The following HMCN2 variants were observed in gnomAD, a reference collection of about 807,000 sequenced individuals.
The protein encoded by HMCN2 is hemicentin-2.
Under a neutral mutation model 377.5 loss-of-function variants are expected in HMCN2, and 325 were observed. The observed-to-expected ratio is 0.86, with a 90% confidence interval of 0.79 to 0.94. The LOEUF (loss-of-function observed/expected upper bound fraction) is 0.94, where lower values mean the gene tolerates loss of function less well. Among genes scored for constraint, HMCN2 ranks in the 40% least tolerant of loss-of-function variants. HMCN2 has a pLI of 0.00. For synonymous variants in HMCN2, 2,007 were observed against 2,046.8 expected (o/e 0.98, Z 0.53); for missense variants, 4,543 against 4,725.3 (o/e 0.96, Z 1.13).
chr9:130,386,142 C>T (rs1183667960), intron 60 of HMCN2, among the ~76,000 whole-genome samples: 1 of 152,140 alleles, frequency 6.6e-6, no homozygotes, highest in Non-Finnish European at 1.5e-5. Flanking sequence ...GTTTGCTGTC[C>T]CCCTCGAAAT....
intron 32 of HMCN2, 131 bp downstream of exon 32, chr9:130,355,175 C>T (rs1350484448): frequency 1.3e-6 from 1 of 747,868 alleles, no homozygotes; most frequent in Admixed American, 3.6e-5. Flanking sequence ...CCCCACATTG[C>T]ATGACACAGA....
chr9:130,417,949 T>C (rs1219562585), intron 85 of HMCN2, among the ~76,000 whole-genome samples: 2 of 152,148 alleles, frequency 1.3e-5, no homozygotes, highest in Non-Finnish European at 2.9e-5. Context: ...ATACTAGCCT[T>C]CCAGGAGGGT....
rs1244120106 is a variant in HMCN2, at chr9:130,403,241, G to A, written c.11926G>A (p.Glu3976Lys). 1 of 1,289,674 alleles carries A rather than the reference G, an allele frequency of 7.8e-7. No homozygotes were observed. Among genetic ancestry groups the A allele is most frequent in the Admixed American group, 2.3e-5 (1 of 43,540 alleles). The allele number at this position is 1,289,674 out of a possible 1,614,324, so 79.9% of individuals were successfully genotyped here. A position where few individuals can be genotyped will look rare whatever the true frequency, so the allele number is the denominator to read the frequency against. Residue 3976 changes from glutamate to lysine, a missense_variant, in exon 79 of 98, where the codon GAG becomes AAG. By Grantham distance (56) the Glu-to-Lys change is moderately conservative. Around this residue, in one of 5 missense-constraint regions of HMCN2, gnomAD observed 1,073 missense variants for 1,319.5 expected, o/e 0.81. Transcript: ENST00000683500. ...GCCCAGCGTGGTTCGGGCAGTGGCAGAGGAGGAGGTGCTGCTGCCCTGCGA... is the reference window on the plus strand; with the variant it reads ...GCCCAGCGTGGTTCGGGCAGTGGCAAAGGAGGAGGTGCTGCTGCCCTGCGA... Reference protein sequence around the residue: ...PLPSVVRAVAEEEVLLPCEAS... With the variant: ...PLPSVVRAVAKEEVLLPCEAS...
At chr9:130,316,825 T>A (rs912872640) in intron 15 of HMCN2, among the ~76,000 whole-genome samples, 194 of 152,276 alleles carry the variant, frequency 1.3e-3, no homozygotes, top group Middle Eastern at 3.4e-3. Flanking sequence ...GATAAGGCCC[T>A]GGGCAGAGCA....
rs769194652 is a variant in HMCN2 at position 130,349,540 on chromosome 9, C to T, written c.4307C>T (p.Pro1436Leu). The T allele has an allele frequency of 2.3e-6, 3 of 1,302,626 alleles. No individual in the cohort carries two copies. The highest frequency in any genetic ancestry group is 2.5e-5 in the South Asian group (2 of 80,950). 80.7% of individuals were successfully genotyped at this position (1,302,626 alleles called of 1,614,324 possible). ...CCTCACGCCTTCTCACCCCCAGCCC[C>T]TCCTTCCGTGCTTGGAGCCGGGGCC... is the stretch of plus-strand genomic sequence containing the variant. ...QRDFHLLVLT[P>L]PSVLGAGAAQ... Residue 1436 changes from proline (P) to leucine (L), a missense_variant, in exon 29 of 98, where the codon CCT (proline) becomes CTT (leucine). Around this residue, in one of 5 missense-constraint regions of HMCN2, gnomAD observed 1,032 missense variants for 1,285.1 expected, o/e 0.80. Coordinates refer to ENST00000683500, the MANE Select transcript of HMCN2 (RefSeq NM_001291815.2).
At position 130,427,579 on chromosome 9, in the gene HMCN2, C is replaced by T; in HGVS notation, c.14025C>T (p.Pro4675=). Residue 4675 remains proline, a synonymous_variant, in exon 92 of 98, where the codon CCC becomes CCT. Transcript: ENST00000683500. ...CCGGCCGCTTCTCCTGCACCTGCCC[C>T]ACTGGCTTCGCCCTGGCCTGGGATG... ...NAPGRFSCTC[P]TGFALAWDDR... 1.9e-6 allele frequency: 3 copies of T among 1,550,512 alleles called. No homozygotes were observed. The highest frequency in any genetic ancestry group is 2.6e-6 in the Non-Finnish European group (3 of 1,146,982).
intron 14 of HMCN2, among the ~76,000 whole-genome samples, chr9:130,309,052 A>G (rs1351423579): frequency 6.6e-6 from 1 of 152,276 alleles, no homozygotes; most frequent in Non-Finnish European, 1.5e-5. Flanking sequence ...AATGCACTGG[A>G]TGCCACTGAG....
At chr9:130,268,055 C>T (rs1210311808) in intron 1 of HMCN2, among the ~76,000 whole-genome samples, 2 of 152,212 alleles carry the variant, frequency 1.3e-5, no homozygotes, top group Admixed American at 6.5e-5. Context: ...GCCAGGGTGG[C>T]GTCATTCCTG....
chr9:130,386,599 G>A (rs1311943287), intron 61 of HMCN2, 75 bp downstream of exon 61: 7 of 991,728 alleles, frequency 7.1e-6, no homozygotes, highest in Non-Finnish European at 9.6e-6. Flanking sequence ...GGAGGACAAA[G>A]ACAATAGCTG....
chr9:130,387,123 A>G (rs1842065208), intron 61 of HMCN2, among the ~76,000 whole-genome samples: 1 of 152,220 alleles, frequency 6.6e-6, no homozygotes, highest in Admixed American at 6.5e-5. Context: ...GGCCTGTCCC[A>G]TCCACCCAAG....
At chr9:130,387,265 A>G (rs953096399) in intron 61 of HMCN2, among the ~76,000 whole-genome samples, 13 of 152,228 alleles carry the variant, frequency 8.5e-5, no homozygotes, top group Non-Finnish European at 1.5e-4. Context: ...ATAGAGACTT[A>G]GCCGTGCCAC....
intron 87 of HMCN2, among the ~76,000 whole-genome samples, chr9:130,424,183 T>TA (rs1844188059): frequency 8.3e-5 from 12 of 145,180 alleles, no homozygotes; most frequent in East Asian, 6.0e-4. Flanking sequence ...TTTTTTTTTT[T>TA]AATTTTTTTT....
rs1435603357 is a variant in HMCN2, at chr9:130,422,424, C to A, written c.13232-153C>A. On this transcript the variant is annotated intron_variant, in intron 86 of 97. Transcript: ENST00000683500. The surrounding 1 kb of genome is among the most constrained non-coding windows in gnomAD (Gnocchi z 4.2). ...AGCCAAGATCCCCTGGGCGTTGAGT[C>A]CATGACCCCTTAGCTGTGTGTCCTT... 3.3e-5 allele frequency among the ~76,000 whole-genome samples: 5 copies of A among 152,204 alleles called. No homozygotes were observed. Among genetic ancestry groups the A allele is most frequent in the Admixed American group, 6.5e-5 (1 of 15,286 alleles).
At chr9:130,301,763 C>T (rs1455509696) in intron 8 of HMCN2, among the ~76,000 whole-genome samples, 2 of 152,268 alleles carry the variant, frequency 1.3e-5, no homozygotes, top group Non-Finnish European at 2.9e-5. Context: ...CTCTGCTGGG[C>T]TCCTCTGCTG....
In HMCN2 at chr9:130,349,078, G is replaced by T; in HGVS notation, c.4250G>T (p.Arg1417Leu). 1.5e-6 allele frequency: 2 copies of T among 1,304,188 alleles called. No individual in the cohort carries two copies. Among genetic ancestry groups the T allele is most frequent in the South Asian group, 2.5e-5 (2 of 81,024 alleles). 80.8% of individuals were successfully genotyped at this position (1,304,188 alleles called of 1,614,324 possible). A position where few individuals can be genotyped will look rare whatever the true frequency, so the allele number is the denominator to read the frequency against. ...QEGDSGLYSC[R>L]AENQAGTAQR... is the part of the protein sequence containing the mutation. ...GGTGATTCTGGGCTCTACTCCTGCC[G>T]GGCAGAGAACCAGGCTGGCACCGCC... The change falls in exon 28 of 98, where the codon CGG becomes CTG. Residue 1417 changes from arginine to leucine, a missense_variant. By Grantham distance (102) the Arg-to-Leu change is moderately radical. Around this residue, in one of 5 missense-constraint regions of HMCN2, gnomAD observed 1,032 missense variants for 1,285.1 expected, o/e 0.80. Transcript: ENST00000683500.
At chr9:130,366,833 C>T (rs1840715360) in intron 43 of HMCN2, among the ~76,000 whole-genome samples, 1 of 152,036 alleles carries the variant, frequency 6.6e-6, no homozygotes, top group Admixed American at 6.6e-5. Context: ...AAACAGATCC[C>T]CACCCTCACA....
In HMCN2 at chr9:130,310,023, T is replaced by C. The variant is rs1273854963; in HGVS notation, c.2312T>C (p.Leu771Ser). The C allele has an allele frequency of 1.9e-6, 1 of 533,968 alleles. No individual in the cohort carries two copies. Among genetic ancestry groups the C allele is most frequent in the African/African-American group, 1.9e-5 (1 of 51,948 alleles). 33.1% of individuals were successfully genotyped at this position (533,968 alleles called of 1,614,324 possible). ...TACACCTGCCGGGCTGTCAATGAGT[T>C]GGGTGACGCCTCTGCAGAAATCCAG... ...GTYTCRAVNE[L>S]GDASAEIQLA... Residue 771 changes from leucine to serine, a missense_variant, in exon 15 of 98, where the codon TTG becomes TCG. Coordinates refer to ENST00000683500, the MANE Select transcript of HMCN2 (RefSeq NM_001291815.2).
At chr9:130,316,007 G>A (rs955964233) in intron 15 of HMCN2, among the ~76,000 whole-genome samples, 22 of 152,180 alleles carry the variant, frequency 1.4e-4, no homozygotes, top group Non-Finnish European at 2.2e-4. Context: ...AGTTCAGCCC[G>A]TAGCAGACAG....
Position 130,399,703 on chromosome 9 carries a change from C to A in HMCN2, c.11605+71C>A, listed in dbSNP as rs576283470. On this transcript the variant is annotated intron_variant, in intron 76 of 97. Transcript: ENST00000683500. ...CGCCTTCCCGCTCTTGGGTGCTCTC[C>A]CTGCCAGCAGGGAATTGTGTGGCTT... The A allele has an allele frequency of 2.8e-4, 318 of 1,131,414 alleles. 5 individuals carry two copies. In the South Asian group the frequency reaches 4.2e-3, roughly 15 times the overall value. The allele number at this position is 1,131,414 out of a possible 1,614,324, so 70.1% of individuals were successfully genotyped here.
Sources: allele counts gnomAD v4.1 joint callset (sites outside exome capture counted in the v4.1 genomes callset), GRCh38; gene constraint gnomAD v4.1.1; regional missense constraint gnomAD v4.1.1; non-coding constraint Gnocchi (gnomAD v3.1); transcripts MANE v1.5; gene names NCBI Gene and HGNC (gene_info 2026-07-23, HGNC 2026-07-21).